Variants in SLC17A1 observed in about 807,000 individuals in gnomAD.
SLC17A1 encodes sodium-dependent phosphate transport protein 1.
SLC17A1 carries 51 observed loss-of-function variants against 53.5 expected under a neutral mutation model. The ratio of observed to expected loss-of-function variants is 0.95; its 90% CI spans 0.76 to 1.20. SLC17A1 has a LOEUF of 1.20. Ranked by LOEUF, SLC17A1 falls within the 50% of genes most tolerant of loss-of-function variation. The pLI, the probability that SLC17A1 is intolerant of heterozygous loss-of-function variation, is 0.00. For synonymous variants in SLC17A1, 179 were observed against 198.8 expected (o/e 0.90, Z 0.84); for missense variants, 538 against 568.2 (o/e 0.95, Z 0.54).
rs544428892 is a variant in SLC17A1, at chr6:25,826,554, C to T, written c.114G>A (p.Ala38=). ...TGACTACCATTGTGAGGTTCAGGCA[C>T]GCACGCTGTGCTGTTATTATAACAT... ...CCNVIITAQR[A]CLNLTMVVMV... is the part of the protein sequence containing the mutation. The change falls in exon 3 of 13, where the codon GCG becomes GCA. Residue 38 remains alanine, a synonymous_variant. Transcript: ENST00000244527. 48 of 1,612,148 alleles carry T rather than the reference C, an allele frequency of 3.0e-5. No homozygotes were observed. In the South Asian group the frequency reaches 3.2e-4, roughly 11 times the overall value.
chr6:25,808,007 G>A (rs1466749171), intron 10 of SLC17A1, among the ~76,000 whole-genome samples: 2 of 152,048 alleles, frequency 1.3e-5, no homozygotes, highest in Non-Finnish European at 1.5e-5. Context: ...TGGGTCAAAT[G>A]GTATTCTACT....
Position 25,811,455 on chromosome 6 carries a change from GC to G in SLC17A1, c.1120del (p.Ala374GlnfsTer12). On this transcript the variant is annotated frameshift_variant, in exon 10 of 13. Coordinates refer to ENST00000244527, the MANE Select transcript of SLC17A1 (RefSeq NM_005074.5). LOFTEE classifies it high-confidence loss of function. ...TCCACCCAAGCAAAAGCTGCCTGTT[GC>G]ACCAGCAAGTATTAGGAAAATGACA... ...SIVIFLILAG[A>X]TGSFCLGGVF... is the part of the protein sequence containing the mutation. The G allele has an allele frequency of 6.2e-7, 1 of 1,613,936 alleles. No homozygotes were observed. The highest frequency in any genetic ancestry group is 1.1e-5 in the South Asian group (1 of 91,062).
At chr6:25,726,414 T>TC in the SLC17A1 span, 5 of 1,614,104 alleles carry the variant, frequency 3.1e-6, no homozygotes, top group Non-Finnish European at 4.2e-6. Flanking sequence ...CTGCATAGTT[T>TC]CCCTTACGAA....
intron 6 of SLC17A1, among the ~76,000 whole-genome samples, chr6:25,813,462 C>T (rs1764232457): frequency 6.6e-6 from 1 of 152,230 alleles, no homozygotes; most frequent in African/African-American, 2.4e-5. Context: ...GACAGCTGGA[C>T]CTCCCTGCCC....
the SLC17A1 span, among the ~76,000 whole-genome samples, chr6:25,751,092 T>A: frequency 0.21 from 32,349 of 152,170 alleles, 4,386 homozygotes; most frequent in Non-Finnish European, 0.3. Context: ...TCTGCAATTA[T>A]CTTTTCTGTG....
At chr6:25,815,382 A>T (rs1764313232) in intron 6 of SLC17A1, among the ~76,000 whole-genome samples, 1 of 152,140 alleles carries the variant, frequency 6.6e-6, no homozygotes, top group Non-Finnish European at 1.5e-5. Flanking sequence ...GAATAAATAA[A>T]AAAAAAAGTT....
chr6:25,818,371 C>T (rs936150357), intron 6 of SLC17A1, among the ~76,000 whole-genome samples: 1 of 152,282 alleles, frequency 6.6e-6, no homozygotes, highest in East Asian at 1.9e-4. Context: ...TTCCGAGCTC[C>T]TGTATCGCTA....
At chr6:25,732,906 A>ACAAAAT in the SLC17A1 span, 1 of 241,880 alleles carries the variant, frequency 4.1e-6, no homozygotes, top group Non-Finnish European at 8.1e-6. Context: ...AAAAACAAAA[A>ACAAAAT]CCCCAAAGCT....
chr6:25,729,946 G>A, the SLC17A1 span, among the ~76,000 whole-genome samples: 2 of 152,070 alleles, frequency 1.3e-5, no homozygotes, highest in Non-Finnish European at 2.9e-5. Context: ...AAATTTCTAA[G>A]TGCATGCAAT....
chr6:25,790,269 T>G (rs1353495851), intron 12 of SLC17A1, among the ~76,000 whole-genome samples: 1 of 152,192 alleles, frequency 6.6e-6, no homozygotes, highest in Non-Finnish European at 1.5e-5. Context: ...TCCATGGGTC[T>G]GGAAGACGGT....
At chr6:25,726,489 G>C in the SLC17A1 span, 33 of 1,612,398 alleles carry the variant, frequency 2.0e-5, no homozygotes, top group South Asian at 6.6e-5. Flanking sequence ...ACTTAGACTT[G>C]GCGCGTGCTT....
chr6:25,773,789 A>C, the SLC17A1 span: 1 of 1,037,330 alleles, frequency 9.6e-7, no homozygotes, highest in Non-Finnish European at 1.4e-6. Context: ...AGGACCAGGC[A>C]GGACCTCCAT....
the SLC17A1 span, among the ~76,000 whole-genome samples, chr6:25,750,498 G>T: frequency 6.6e-6 from 1 of 152,154 alleles, no homozygotes; most frequent in Admixed American, 6.5e-5. Context: ...ACTGAGAAAT[G>T]ATTTAAGTAA....
chr6:25,826,446 A>C lies in SLC17A1; in HGVS notation c.207+15T>G, dbSNP rs1355536035. 1 of 1,581,248 alleles carries C rather than the reference A, an allele frequency of 6.3e-7. No individual in the cohort carries two copies. The highest frequency in any genetic ancestry group is 8.6e-7 in the Non-Finnish European group (1 of 1,162,942). On this transcript the variant is annotated intron_variant, in intron 3 of 12. Transcript: ENST00000244527. Reference sequence around the variant, plus strand: ...GCTTTTAAACATTTGACTGTGGGGAAAATTATTGATGTACCTTTATATTAT... The same window carrying C: ...GCTTTTAAACATTTGACTGTGGGGACAATTATTGATGTACCTTTATATTAT...
chr6:25,733,995 T>C, the SLC17A1 span, among the ~76,000 whole-genome samples: 1 of 152,056 alleles, frequency 6.6e-6, no homozygotes, highest in African/African-American at 2.4e-5. Flanking sequence ...TTTGTATTTT[T>C]AGTAGAGACG....
the SLC17A1 span, among the ~76,000 whole-genome samples, chr6:25,724,257 C>T: frequency 6.6e-6 from 1 of 152,168 alleles, no homozygotes; most frequent in African/African-American, 2.4e-5. Flanking sequence ...AACCCTGTCT[C>T]TACTAACAAT....
chr6:25,754,762 C>T, the SLC17A1 span: 2 of 152,114 alleles, frequency 1.3e-5, no homozygotes, highest in East Asian at 3.9e-4. Flanking sequence ...AATGAGGATC[C>T]TGCACTCTTC....
At chr6:25,801,110 G>A in intron 10 of SLC17A1, 130 bp from the exon 11 acceptor site, 2 of 621,818 alleles carry the variant, frequency 3.2e-6, no homozygotes, top group Admixed American at 2.9e-5. Context: ...ATTCCATTAA[G>A]ATGTTAGAAA....
chr6:25,769,060 A>G, the SLC17A1 span: 6 of 1,614,094 alleles, frequency 3.7e-6, no homozygotes, highest in Non-Finnish European at 5.1e-6. Flanking sequence ...CAACAAATGA[A>G]CTTGAGCATT....
Sources: gnomAD v4.1 joint callset for allele counts (sites outside exome capture counted in the v4.1 genomes callset) on GRCh38, gnomAD v4.1.1 for gene constraint, MANE v1.5 for transcripts, NCBI Gene and HGNC (gene_info 2026-07-23, HGNC 2026-07-21) for gene names.